DBT: variants seen among roughly 807,000 people sequenced by gnomAD.
DBT encodes the protein lipoamide acyltransferase component of branched-chain alpha-keto acid dehydrogenase complex, mitochondrial.
A neutral mutation model predicts 51.3 loss-of-function variants in DBT; 40 were observed. The observed-to-expected ratio is 0.78, with a 90% CI of 0.61 to 1.02. The LOEUF (loss-of-function observed/expected upper bound fraction) is 1.02. Ranked by LOEUF, DBT falls within the 50% of genes least tolerant of loss-of-function variation. The pLI, the probability that DBT is intolerant of heterozygous loss-of-function variation, is 0.00. For missense variants in DBT, 510 were observed against 580.2 expected (o/e 0.88, Z 1.24); for synonymous variants, 181 against 190.4 (o/e 0.95, Z 0.41).
At chr1:100,205,652 T>C (rs1476188598) in intron 10 of DBT, among the ~76,000 whole-genome samples, 1 of 152,154 alleles carries the variant, frequency 6.6e-6, no homozygotes, top group African/African-American at 2.4e-5. Flanking sequence ...CATGCACATG[T>C]ATGTTTATTG....
At position 100,218,350 on chromosome 1, in the gene DBT, G is replaced by T. The variant is rs6577158; in HGVS notation, c.555+276C>A. 0.75 allele frequency among the ~76,000 whole-genome samples: 114,670 copies of T among 152,126 alleles called. 45,800 individuals are homozygous for T. Among genetic ancestry groups the T allele is most frequent in the East Asian group, 0.95 (4,931 of 5,182 alleles). ...TCTAGAGCACCTGACATAAGACCTGGTATTTACAAGTGCTCAGTAAATGGT... is the reference window on the plus strand; with the variant it reads ...TCTAGAGCACCTGACATAAGACCTGTTATTTACAAGTGCTCAGTAAATGGT... On this transcript the variant is annotated intron_variant, in intron 5 of 10. Transcript: ENST00000370132.
Position 100,229,244 on chromosome 1 carries a change from T to C in DBT, c.433+1489A>G, listed in dbSNP as rs372516228. 2.6e-5 allele frequency among the ~76,000 whole-genome samples: 4 copies of C among 152,180 alleles called. No individual in the cohort carries two copies. The East Asian group carries it at 7.7e-4, about 29-fold the overall frequency. On this transcript the variant is annotated intron_variant, in intron 4 of 10. Coordinates refer to ENST00000370132, the MANE Select transcript of DBT (RefSeq NM_001918.5). ...GTGCAGTGGCACGATCTCGGCTCAC[T>C]GCAACCTCCACCTCCCGGGTTCAAG...
At position 100,192,964 on chromosome 1, in the gene DBT, C is replaced by G. The variant is rs1441705032; in HGVS notation, c.*3291G>C. ...TACAGCAAGAGCCTTTTCCTCCTCC[C>G]AAACACCCATCCCTTGCTTTGTAGA... On this transcript the variant is annotated 3_prime_UTR_variant, in exon 11 of 11. Transcript: ENST00000370132. 6.6e-6 allele frequency: 1 copy of G among 152,302 alleles called. No individual in the cohort carries two copies. The highest frequency in any genetic ancestry group is 2.4e-5 in the African/African-American group (1 of 41,442). The allele number at this position is 152,302 out of a possible 1,614,324, so 9.4% of individuals were successfully genotyped here.
In DBT at chr1:100,193,388, T is replaced by TA. The variant is rs1202118063; in HGVS notation, c.*2866dup. 1 of 152,198 alleles carries TA rather than the reference T, an allele frequency of 6.6e-6. No homozygotes were observed. The highest frequency in any genetic ancestry group is 2.4e-5 in the African/African-American group (1 of 41,440). The allele number at this position is 152,198 out of a possible 1,614,324, so 9.4% of individuals were successfully genotyped here. A position where few individuals can be genotyped will look rare whatever the true frequency, so the allele number is the denominator to read the frequency against. ...TTCTGATCCTTCCAGATAAGATCGG[T>TA]AACCTTTACTGGATGGCTCATAGCA... On this transcript the variant is annotated 3_prime_UTR_variant, in exon 11 of 11. Transcript: ENST00000370132.
intron 2 of DBT, among the ~76,000 whole-genome samples, chr1:100,236,406 C>T (rs960217133): frequency 6.6e-6 from 1 of 152,182 alleles, no homozygotes; most frequent in African/African-American, 2.4e-5. Flanking sequence ...AGGAATGCTC[C>T]TGTATCTTTA....
chr1:100,215,023 C>A, intron 6 of DBT, 40 bp from the exon 7 acceptor site: 49 of 1,281,218 alleles, frequency 3.8e-5, no homozygotes, highest in Middle Eastern at 1.9e-4. Flanking sequence ...TTTAAATTCT[C>A]AAATCTCTTC....
rs1662744462 is a variant in DBT, at chr1:100,219,801, C to G, written c.434-1054G>C. On this transcript the variant is annotated intron_variant, in intron 4 of 10. Transcript: ENST00000370132. Reference sequence around the variant, plus strand: ...AATCTATGAAAATCTTAAACACTTTCCTGAGATGATATAGTACGTAAAAGT... The same window carrying G: ...AATCTATGAAAATCTTAAACACTTTGCTGAGATGATATAGTACGTAAAAGT... Among the ~76,000 whole-genome samples the G allele has an allele frequency of 1.3e-5, 2 of 152,128 alleles. 1 individual carries two copies. Among genetic ancestry groups the G allele is most frequent in the South Asian group, 4.2e-4 (2 of 4,816 alleles).
intron 1 of DBT, among the ~76,000 whole-genome samples, chr1:100,247,696 T>G (rs1372444715): frequency 1.1e-4 from 1 of 8,782 alleles, no homozygotes; most frequent in South Asian, 3.4e-3. Context: ...AAGACTCTTC[T>G]CAAAAAAAAA....
At chr1:100,219,768 T>C (rs962799378) in intron 4 of DBT, among the ~76,000 whole-genome samples, 3 of 152,068 alleles carry the variant, frequency 2.0e-5, no homozygotes, top group African/African-American at 7.2e-5. Context: ...CGCACAAGAA[T>C]CATATAAAAT....
intron 7 of DBT, chr1:100,211,126 T>C (rs550409693): frequency 1.5e-4 from 113 of 778,880 alleles, no homozygotes; most frequent in Non-Finnish European, 2.2e-4. Flanking sequence ...GAAGTAATAC[T>C]AGGAATCAAA....
Position 100,187,891 on chromosome 1 carries a change from A to T in DBT, c.*8364T>A, listed in dbSNP as rs1190325269. On this transcript the variant is annotated 3_prime_UTR_variant, in exon 11 of 11. Transcript: ENST00000370132. Reference sequence around the variant, plus strand: ...TATTTAGAAAGTATGACAATCTGAAAATCAACATTTTACAGAAGTGACACC... The same window carrying T: ...TATTTAGAAAGTATGACAATCTGAATATCAACATTTTACAGAAGTGACACC... 2.0e-5 allele frequency: 3 copies of T among 152,196 alleles called. No individual in the cohort carries two copies. The highest frequency in any genetic ancestry group is 2.9e-5 in the Non-Finnish European group (2 of 68,034). The allele number at this position is 152,196 out of a possible 1,614,324, so 9.4% of individuals were successfully genotyped here. A position where few individuals can be genotyped will look rare whatever the true frequency, so the allele number is the denominator to read the frequency against.
intron 10 of DBT, among the ~76,000 whole-genome samples, chr1:100,198,162 A>G (rs546941510): frequency 6.6e-6 from 1 of 152,268 alleles, no homozygotes; most frequent in East Asian, 1.9e-4. Context: ...ACATTTATAT[A>G]CAACAGTATA....
intron 2 of DBT, among the ~76,000 whole-genome samples, chr1:100,240,447 T>A (rs1040934709): frequency 6.6e-6 from 1 of 152,144 alleles, no homozygotes; most frequent in Admixed American, 6.5e-5. Context: ...AAGGATCACT[T>A]GAGCCCAGGA....
intron 1 of DBT, among the ~76,000 whole-genome samples, chr1:100,247,270 T>C (rs1290596843): frequency 6.6e-6 from 1 of 152,206 alleles, no homozygotes; most frequent in Admixed American, 6.5e-5. Context: ...GGCTACACTA[T>C]GGAGAATGGG....
intron 1 of DBT, among the ~76,000 whole-genome samples, chr1:100,241,167 T>C (rs1408784657): frequency 6.6e-6 from 1 of 152,212 alleles, no homozygotes; most frequent in Non-Finnish European, 1.5e-5. Flanking sequence ...TCTAAAGTAA[T>C]AGTTAGCATC....
At chr1:100,218,546 TG>T in intron 5 of DBT, 79 bp downstream of exon 5, 1 of 1,486,978 alleles carries the variant, frequency 6.7e-7, no homozygotes, top group Non-Finnish European at 9.4e-7. Flanking sequence ...TATTTCATCA[TG>T]GGATAGTTGG....
chr1:100,231,823 T>G (rs551708496), intron 3 of DBT, among the ~76,000 whole-genome samples: 1 of 152,336 alleles, frequency 6.6e-6, no homozygotes, highest in South Asian at 2.1e-4. Flanking sequence ...GAAGGATGTA[T>G]TCAGGAAAAA....
intron 1 of DBT, among the ~76,000 whole-genome samples, chr1:100,247,070 A>G (rs573193522): frequency 6.6e-6 from 1 of 152,242 alleles, no homozygotes; most frequent in African/African-American, 2.4e-5. Context: ...TTAGTGTGGA[A>G]TAAGGGTGGG....
chr1:100,249,417 TGTGG>T, intron 1 of DBT: 2 of 405,394 alleles, frequency 4.9e-6, no homozygotes. Context: ...TTTGGCATAC[TGTGG>T]GTACGCAATA....
Sources: allele counts gnomAD v4.1 joint callset (sites outside exome capture counted in the v4.1 genomes callset), GRCh38; gene constraint gnomAD v4.1.1; transcripts MANE v1.5; gene names NCBI Gene and HGNC (gene_info 2026-07-23, HGNC 2026-07-21).